Variants in IMMP2L observed in about 807,000 individuals in gnomAD.
IMMP2L encodes the protein inner mitochondrial membrane peptidase subunit 2, also known as mitochondrial inner membrane protease subunit 2.
IMMP2L carries 18 observed loss-of-function variants against 19.3 expected under a neutral mutation model. The observed-to-expected ratio is 0.93, with a 90% CI of 0.64 to 1.38. The LOEUF is 1.38. IMMP2L is among the 40% of genes most tolerant of loss of function. The probability of loss-of-function intolerance (pLI) is 0.00; values close to 1 mark genes in which losing one functional copy is unlikely to be tolerated. For missense variants in IMMP2L, 233 were observed against 218.2 expected (o/e 1.07, Z -0.43); for synonymous variants, 76 against 73.0 (o/e 1.04, Z -0.21).
chr7:111,358,372 T>C (rs966429965), intron 3 of IMMP2L, among the ~76,000 whole-genome samples: 1 of 151,812 alleles, frequency 6.6e-6, no homozygotes, highest in African/African-American at 2.4e-5. Flanking sequence ...TCATGTATTA[T>C]ATAGAATCTT....
chr7:111,074,255 CCTGA>C (rs1452084429), intron 3 of IMMP2L, among the ~76,000 whole-genome samples: 9 of 152,218 alleles, frequency 5.9e-5, no homozygotes, highest in Non-Finnish European at 1.0e-4. Context: ...CACTTCCTGA[CCTGA>C]CTGTCATCTT....
chr7:111,016,749 T>A (rs185091014), intron 3 of IMMP2L, among the ~76,000 whole-genome samples: 9,328 of 96,078 alleles, frequency 0.097, 495 homozygotes, highest in South Asian at 0.19. Flanking sequence ...ATTATATATA[T>A]TATATAAATA....
intron 5 of IMMP2L, among the ~76,000 whole-genome samples, chr7:110,705,934 T>C (rs959854762): frequency 3.3e-5 from 5 of 152,158 alleles, no homozygotes; most frequent in South Asian, 2.1e-4. Flanking sequence ...ATGGTGTATA[T>C]GTACTACATT....
chr7:111,359,362 CATA>C lies in IMMP2L; in HGVS notation c.239+127873_239+127875del, dbSNP rs1829036127. Among the ~76,000 whole-genome samples, 2 of 152,040 alleles carry C rather than the reference CATA, an allele frequency of 1.3e-5. 1 individual carries two copies. Among genetic ancestry groups the C allele is most frequent in the South Asian group, 4.1e-4 (2 of 4,824 alleles). ...TGTCACCCAGGCTGGAGTGCAGTGG[CATA>C]ATCTCAGCTCACTGCAACTTCCACC... On this transcript the variant is annotated intron_variant, in intron 3 of 5. Transcript: ENST00000405709.
chr7:110,719,872 C>CT (rs1795462442), intron 5 of IMMP2L, among the ~76,000 whole-genome samples: 2 of 152,184 alleles, frequency 1.3e-5, no homozygotes, highest in Admixed American at 1.3e-4. Flanking sequence ...TCACCACCCA[C>CT]TATTTATAAC....
In IMMP2L at chr7:111,349,797, C is replaced by G. The variant is rs187987932; in HGVS notation, c.239+137441G>C. Among the ~76,000 whole-genome samples, 146 of 152,184 alleles carry G rather than the reference C, an allele frequency of 9.6e-4. 1 individual carries two copies. Among genetic ancestry groups the G allele is most frequent in the African/African-American group, 3.3e-3 (138 of 41,536 alleles). On this transcript the variant is annotated intron_variant, in intron 3 of 5. Coordinates refer to ENST00000405709, the MANE Select transcript of IMMP2L (RefSeq NM_032549.4). ...GGCCAAATCATGAGGCCCAATCCAGCCTTCTAGCTTGACTTCCTCTCCTAT... is the reference window on the plus strand; with the variant it reads ...GGCCAAATCATGAGGCCCAATCCAGGCTTCTAGCTTGACTTCCTCTCCTAT...
At chr7:111,077,001 G>A (rs1172307755) in intron 3 of IMMP2L, among the ~76,000 whole-genome samples, 1 of 152,202 alleles carries the variant, frequency 6.6e-6, no homozygotes, top group East Asian at 1.9e-4. Flanking sequence ...AAAATTGCAT[G>A]AGCTGAGTCT....
chr7:110,936,648 C>T (rs1816141996), intron 4 of IMMP2L, among the ~76,000 whole-genome samples: 1 of 152,112 alleles, frequency 6.6e-6, no homozygotes, highest in Non-Finnish European at 1.5e-5. Context: ...GTGGTGATTC[C>T]TCAAGGATCT....
chr7:111,214,148 G>T (rs975448019), intron 3 of IMMP2L, among the ~76,000 whole-genome samples: 3 of 151,810 alleles, frequency 2.0e-5, no homozygotes, highest in Admixed American at 2.0e-4. Flanking sequence ...CCTTCCAAGG[G>T]TATCTTCTCT....
At chr7:110,697,002 C>G (rs1232367258) in intron 5 of IMMP2L, among the ~76,000 whole-genome samples, 7 of 151,942 alleles carry the variant, frequency 4.6e-5, no homozygotes, top group Non-Finnish European at 1.0e-4. Context: ...GTATGAGGGT[C>G]GAAATTCGAT....
intron 5 of IMMP2L, among the ~76,000 whole-genome samples, chr7:110,670,689 CAA>C (rs376027021): frequency 1.1e-5 from 1 of 91,606 alleles, no homozygotes; most frequent in Non-Finnish European, 2.1e-5. Context: ...GACTCCGTCT[CAA>C]AAAAAAAAAA....
chr7:110,882,279 T>G (rs986026208), intron 5 of IMMP2L, among the ~76,000 whole-genome samples: 2 of 149,890 alleles, frequency 1.3e-5, no homozygotes, highest in Non-Finnish European at 3.0e-5. Context: ...TTCCTCTCTT[T>G]GTCAAGTGCC....
intron 4 of IMMP2L, among the ~76,000 whole-genome samples, chr7:110,940,434 C>A (rs1421473614): frequency 1.3e-5 from 2 of 151,966 alleles, no homozygotes; most frequent in Non-Finnish European, 2.9e-5. Flanking sequence ...TATAAAATCT[C>A]AGAAATAGAA....
intron 3 of IMMP2L, among the ~76,000 whole-genome samples, chr7:110,964,066 T>C (rs1352588537): frequency 6.6e-6 from 1 of 151,952 alleles, no homozygotes; most frequent in Non-Finnish European, 1.5e-5. Flanking sequence ...CTTCGCTTGC[T>C]TGCTCTCTCT....
chr7:111,464,420 T>G (rs555914381), intron 3 of IMMP2L, among the ~76,000 whole-genome samples: 15 of 152,236 alleles, frequency 9.9e-5, no homozygotes, highest in African/African-American at 3.6e-4. Flanking sequence ...GAGCTGAATA[T>G]TACAGTGAGC....
chr7:110,766,727 G>T lies in IMMP2L; in HGVS notation c.409-103006C>A, dbSNP rs1409034112. Among the ~76,000 whole-genome samples, 3 of 151,700 alleles carry T rather than the reference G, an allele frequency of 2.0e-5. No homozygotes were observed. The East Asian group carries it at 5.8e-4, about 29-fold the overall frequency. On this transcript the variant is annotated intron_variant, in intron 5 of 5. Transcript: ENST00000405709. The stretch of plus-strand genomic sequence containing the variant: ...GAATGGTTTCCTTTATGAAAACTGA[G>T]AATTTACATTTGTCCTAACTTTTTA...
chr7:111,349,028 A>G (rs1423070063), intron 3 of IMMP2L, among the ~76,000 whole-genome samples: 1 of 152,156 alleles, frequency 6.6e-6, no homozygotes, highest in African/African-American at 2.4e-5. Flanking sequence ...TTCAGCTTGC[A>G]TGCAGAACAC....
intron 3 of IMMP2L, among the ~76,000 whole-genome samples, chr7:111,060,672 CA>C (rs1793937192): frequency 6.6e-6 from 1 of 152,124 alleles, no homozygotes; most frequent in Admixed American, 6.6e-5. Context: ...AGTGTTTTTG[CA>C]AAAGATCTAA....
intron 3 of IMMP2L, among the ~76,000 whole-genome samples, chr7:111,087,660 C>G (rs574967297): frequency 6.6e-6 from 1 of 152,088 alleles, no homozygotes; most frequent in Admixed American, 6.5e-5. Flanking sequence ...GACATATACT[C>G]CCTCTAGGAG....
Sources: allele counts gnomAD v4.1 joint callset (sites outside exome capture counted in the v4.1 genomes callset), GRCh38; gene constraint gnomAD v4.1.1; transcripts MANE v1.5; gene names NCBI Gene and HGNC (gene_info 2026-07-23, HGNC 2026-07-21).